OR10H2: variants seen among roughly 807,000 people sequenced by gnomAD.
The protein encoded by OR10H2 is olfactory receptor family 10 subfamily H member 2.
Under a neutral mutation model 0.8 loss-of-function variants are expected in OR10H2, and 1 was observed. That is an observed-to-expected ratio of 1.23 (90% CI 0.44 to 5.84). OR10H2 has a LOEUF of 5.84. Among genes scored for constraint, OR10H2 ranks in the 30% most tolerant of loss-of-function variants. The pLI, the probability that OR10H2 is intolerant of heterozygous loss-of-function variation, is 0.15. For missense variants in OR10H2, 355 were observed against 405.9 expected, an observed-to-expected ratio of 0.87 and a Z score of 1.08; for synonymous variants, 204 against 174.3, an observed-to-expected ratio of 1.17 and a Z score of -1.34.
In OR10H2 at chr19:15,728,423, G is replaced by T; in HGVS notation, c.380G>T (p.Cys127Phe). ...GGCTACGACCGCTACGTGGCCATCT[G>T]CCACCCCCTGCGCTACAACGTGCTC... ...VMGYDRYVAI[C>F]HPLRYNVLMS... is the part of the protein sequence containing the mutation. Residue 127 changes from cysteine to phenylalanine, a missense_variant, in exon 1 of 1, where the codon TGC (cysteine) becomes TTC (phenylalanine). By Grantham distance (205) the Cys-to-Phe change is radical. This residue lies in a region of OR10H2 where 133 missense variants were observed against 194.7 expected (regional missense o/e 0.68). Transcript: ENST00000305899. 1 of 1,613,706 alleles carries T rather than the reference G, an allele frequency of 6.2e-7. No homozygotes were observed. Among genetic ancestry groups the T allele is most frequent in the Non-Finnish European group, 8.5e-7 (1 of 1,179,734 alleles).
Position 15,728,685 on chromosome 19 carries a change from C to T in OR10H2, c.642C>T (p.Leu214=), listed in dbSNP as rs2008571234. The T allele has an allele frequency of 6.2e-7, 1 of 1,614,210 alleles. No homozygotes were observed. The highest frequency in any genetic ancestry group is 1.7e-5 in the Admixed American group (1 of 60,026). The change falls in exon 1 of 1, where the codon CTC becomes CTT. Residue 214 remains leucine (L), a synonymous_variant. Coordinates refer to ENST00000305899, the MANE Select transcript of OR10H2 (RefSeq NM_013939.2). ...TGGCACTGCTGGGCTGTTTTCTCCT[C>T]ATCCTCCTCTCCTATGCCTTCATCG... The part of the protein sequence containing the change: ...CIMALLGCFL[L]ILLSYAFIVA...
Position 15,728,699 on chromosome 19 carries a change from A to C in OR10H2, c.656A>C (p.Tyr219Ser). 1 of 1,614,148 alleles carries C rather than the reference A, an allele frequency of 6.2e-7. No homozygotes were observed. The highest frequency in any genetic ancestry group is 8.5e-7 in the Non-Finnish European group (1 of 1,180,036). The change falls in exon 1 of 1, where the codon TAT becomes TCT. Residue 219 changes from tyrosine (Y) to serine (S), a missense_variant. By Grantham distance (144) the Tyr-to-Ser change is moderately radical. Coordinates refer to ENST00000305899, the MANE Select transcript of OR10H2 (RefSeq NM_013939.2). ...LGCFLLILLS[Y>S]AFIVADILKI... ...TGTTTTCTCCTCATCCTCCTCTCCT[A>C]TGCCTTCATCGTGGCCGACATCTTG... is the stretch of plus-strand genomic sequence containing the variant.
Position 15,728,392 on chromosome 19 carries a change from G to A in OR10H2, c.349G>A (p.Val117Ile), listed in dbSNP as rs774427304. 5 of 1,613,972 alleles carry A rather than the reference G, an allele frequency of 3.1e-6. No individual in the cohort carries two copies. In the East Asian group the frequency reaches 6.7e-5, roughly 22 times the overall value. The change falls in exon 1 of 1, where the codon GTC becomes ATC. Residue 117 changes from valine (V) to isoleucine (I), a missense_variant. Transcript: ENST00000305899. ...CTTCACCCACTCCTTCCTGCTCACC[G>A]TCATGGGCTACGACCGCTACGTGGC... Reference protein sequence around the residue: ...FGFTHSFLLTVMGYDRYVAIC... With the variant: ...FGFTHSFLLTIMGYDRYVAIC...
In OR10H2 at chr19:15,728,124, C is replaced by A; in HGVS notation, c.81C>A (p.Leu27=). 2.5e-6 allele frequency: 4 copies of A among 1,614,202 alleles called. No individual in the cohort carries two copies. The highest frequency in any genetic ancestry group is 3.4e-6 in the Non-Finnish European group (4 of 1,180,022). ...FSAFPHLQLM[L]FLLFLLMYLF... ...CCTTCCCCCACCTCCAACTGATGCT[C>A]TTCCTGCTGTTCCTGCTGATGTACC... is the stretch of plus-strand genomic sequence containing the variant. The change falls in exon 1 of 1, where the codon CTC becomes CTA. Residue 27 remains leucine (L), a synonymous_variant. Transcript: ENST00000305899.
At position 15,728,776 on chromosome 19, in the gene OR10H2, C is replaced by A; in HGVS notation, c.733C>A (p.His245Asn). 1.2e-6 allele frequency: 2 copies of A among 1,614,156 alleles called. No homozygotes were observed. Among genetic ancestry groups the A allele is most frequent in the Non-Finnish European group, 8.5e-7 (1 of 1,180,028 alleles). Residue 245 changes from histidine (H) to asparagine (N), a missense_variant, in exon 1 of 1, where the codon CAC becomes AAC. Transcript: ENST00000305899. ...RNKAFSTCASHLIVVIVHYGF... is the reference protein window; with the variant it reads ...RNKAFSTCASNLIVVIVHYGF... ...CAAGGCCTTCTCCACCTGTGCCTCT[C>A]ACCTTATTGTGGTCATTGTGCACTA...
At position 15,728,555 on chromosome 19, in the gene OR10H2, C is replaced by T. The variant is rs1806931; in HGVS notation, c.512C>T (p.Ser171Phe). The change falls in exon 1 of 1, where the codon TCC becomes TTC. Residue 171 changes from serine to phenylalanine, a missense_variant. Coordinates refer to ENST00000305899, the MANE Select transcript of OR10H2 (RefSeq NM_013939.2). ...SAIFQLTFCG[S>F]HEIQHFLCHV... ...ATTTTCCAACTGACTTTCTGTGGAT[C>T]CCATGAGATCCAGCATTTTTTATGT... The T allele has an allele frequency of 0.081, 131,343 of 1,613,778 alleles. 14,021 individuals are homozygous for T. The highest frequency in any genetic ancestry group is 0.58 in the East Asian group (26,106 of 44,854).
At position 15,728,187 on chromosome 19, in the gene OR10H2, C is replaced by G. The variant is rs147784319; in HGVS notation, c.144C>G (p.Thr48=). 6.2e-7 allele frequency: 1 copy of G among 1,614,196 alleles called. No individual in the cohort carries two copies. Among genetic ancestry groups the G allele is most frequent in the East Asian group, 2.2e-5 (1 of 44,882 alleles). ...TGGGCAACCTGCTCATCATGGCCAC[C>G]GTCTGGAGCGAGCGCAGCCTCCACA... The part of the protein sequence containing the change: ...TLLGNLLIMA[T]VWSERSLHTP... Residue 48 remains threonine, a synonymous_variant, in exon 1 of 1, where the codon ACC becomes ACG. Coordinates refer to ENST00000305899, the MANE Select transcript of OR10H2 (RefSeq NM_013939.2).
At position 15,729,040 on chromosome 19, in the gene OR10H2, A is replaced by G; in HGVS notation, c.*49A>G. The G allele has an allele frequency of 1.3e-6, 2 of 1,483,620 alleles. No homozygotes were observed. Among genetic ancestry groups the G allele is most frequent in the Non-Finnish European group, 1.8e-6 (2 of 1,082,486 alleles). The allele number at this position is 1,483,620 out of a possible 1,614,324, so 91.9% of individuals were successfully genotyped here. On this transcript the variant is annotated 3_prime_UTR_variant, in exon 1 of 1. Coordinates refer to ENST00000305899, the MANE Select transcript of OR10H2 (RefSeq NM_013939.2). Reference sequence around the variant, plus strand: ...AGAATATGATAGGAGGATGACCATCACCTTGTCTGCACAGTGTGGCTAGTA... The same window carrying G: ...AGAATATGATAGGAGGATGACCATCGCCTTGTCTGCACAGTGTGGCTAGTA...
In OR10H2 at chr19:15,728,832, C is replaced by T. The variant is rs750507776; in HGVS notation, c.789C>T (p.Pro263=). The T allele has an allele frequency of 1.2e-6, 2 of 1,614,182 alleles. No homozygotes were observed. The highest frequency in any genetic ancestry group is 2.2e-5 in the South Asian group (2 of 91,088). The change falls in exon 1 of 1, where the codon CCC becomes CCT. Residue 263 remains proline, a synonymous_variant. Coordinates refer to ENST00000305899, the MANE Select transcript of OR10H2 (RefSeq NM_013939.2). ...TTGCCTCTGTCATCTACCTCAAGCC[C>T]AAAGGTCCCCACTCTCAGGAGGGTG... ...YGFASVIYLK[P]KGPHSQEGDT... is the part of the protein sequence containing the mutation.
In OR10H2 at chr19:15,729,027, G is replaced by A. The variant is rs1453129397; in HGVS notation, c.*36G>A. 2 of 1,540,708 alleles carry A rather than the reference G, an allele frequency of 1.3e-6. No individual in the cohort carries two copies. The highest frequency in any genetic ancestry group is 1.8e-5 in the Admixed American group (1 of 56,568). ...TGGAAGTGCTGATAGAATATGATAG[G>A]AGGATGACCATCACCTTGTCTGCAC... On this transcript the variant is annotated 3_prime_UTR_variant, in exon 1 of 1. Coordinates refer to ENST00000305899, the MANE Select transcript of OR10H2 (RefSeq NM_013939.2).
Position 15,728,058 on chromosome 19 carries a change from C to G in OR10H2, c.15C>G (p.Asn5Lys). The G allele has an allele frequency of 6.2e-7, 1 of 1,612,964 alleles. No individual in the cohort carries two copies. Among genetic ancestry groups the G allele is most frequent in the Non-Finnish European group, 8.5e-7 (1 of 1,179,210 alleles). ...GGGTGGCCGTCATGCTGGGGCTAAA[C>G]CACACCTCCATGTCTGAATTCATCC... is the stretch of plus-strand genomic sequence containing the variant. MLGLNHTSMSEFILV... is the reference protein window; with the variant it reads MLGLKHTSMSEFILV... The change falls in exon 1 of 1, where the codon AAC becomes AAG. Residue 5 changes from asparagine to lysine, a missense_variant. Asn to Lys is a moderately conservative substitution (Grantham distance 94, BLOSUM62 0). This residue lies in a region of OR10H2 where 44 missense variants were observed against 38.4 expected (regional missense o/e 1.15). Transcript: ENST00000305899.
Position 15,728,940 on chromosome 19 carries a change from G to T in OR10H2, c.897G>T (p.Lys299Asn). ...IIFSLRNKEL[K>N]VAMKRTFLST... ...TCAGCCTCAGGAACAAAGAACTGAA[G>T]GTTGCCATGAAGAGGACCTTCCTCA... Residue 299 changes from lysine to asparagine, a missense_variant, in exon 1 of 1, where the codon AAG (lysine) becomes AAT (asparagine). This residue lies in a region of OR10H2 where 178 missense variants were observed against 172.8 expected (regional missense o/e 1.03). Coordinates refer to ENST00000305899, the MANE Select transcript of OR10H2 (RefSeq NM_013939.2). 6.2e-7 allele frequency: 1 copy of T among 1,614,192 alleles called. No individual in the cohort carries two copies. The highest frequency in any genetic ancestry group is 8.5e-7 in the Non-Finnish European group (1 of 1,180,012).
Position 15,728,935 on chromosome 19 carries a change from C to T in OR10H2, c.892C>T (p.Leu298=). 2 of 1,614,184 alleles carry T rather than the reference C, an allele frequency of 1.2e-6. No homozygotes were observed. The highest frequency in any genetic ancestry group is 1.6e-4 in the Middle Eastern group (1 of 6,062). ...PIIFSLRNKE[L]KVAMKRTFLS... ...CATCTTCAGCCTCAGGAACAAAGAACTGAAGGTTGCCATGAAGAGGACCTT... is the reference window on the plus strand; with the variant it reads ...CATCTTCAGCCTCAGGAACAAAGAATTGAAGGTTGCCATGAAGAGGACCTT... Residue 298 remains leucine (L), a synonymous_variant, in exon 1 of 1, where the codon CTG becomes TTG. Coordinates refer to ENST00000305899, the MANE Select transcript of OR10H2 (RefSeq NM_013939.2).
chr19:15,728,796 G>A lies in OR10H2; in HGVS notation c.753G>A (p.Val251=). ...TCASHLIVVI[V]HYGFASVIYL... is the part of the protein sequence containing the mutation. Reference sequence around the variant, plus strand: ...CCTCTCACCTTATTGTGGTCATTGTGCACTATGGCTTTGCCTCTGTCATCT... The same window carrying A: ...CCTCTCACCTTATTGTGGTCATTGTACACTATGGCTTTGCCTCTGTCATCT... The change falls in exon 1 of 1, where the codon GTG becomes GTA. Residue 251 remains valine (V), a synonymous_variant. Coordinates refer to ENST00000305899, the MANE Select transcript of OR10H2 (RefSeq NM_013939.2). 6.2e-7 allele frequency: 1 copy of A among 1,614,102 alleles called. No individual in the cohort carries two copies. The highest frequency in any genetic ancestry group is 8.5e-7 in the Non-Finnish European group (1 of 1,180,036).
chr19:15,728,241 C>G lies in OR10H2; in HGVS notation c.198C>G (p.Leu66=), dbSNP rs766688402. ...HTPMYLFLCV[L]SVSEILYTVA... ...CCATGTACCTCTTCCTGTGCGTCCTCTCAGTCTCCGAGATCCTCTACACCG... is the reference window on the plus strand; with the variant it reads ...CCATGTACCTCTTCCTGTGCGTCCTGTCAGTCTCCGAGATCCTCTACACCG... The change falls in exon 1 of 1, where the codon CTC becomes CTG. Residue 66 remains leucine (L), a synonymous_variant. Transcript: ENST00000305899. The G allele has an allele frequency of 4.4e-5, 71 of 1,614,220 alleles. No individual in the cohort carries two copies. The highest frequency in any genetic ancestry group is 5.2e-5 in the Non-Finnish European group (61 of 1,180,044).
rs2008573930 is a variant in OR10H2, at chr19:15,728,844, C to A, written c.801C>A (p.His267Gln). ...TCTACCTCAAGCCCAAAGGTCCCCA[C>A]TCTCAGGAGGGTGACACCCTGATGG... The part of the protein sequence containing the change: ...SVIYLKPKGP[H>Q]SQEGDTLMAT... The change falls in exon 1 of 1, where the codon CAC becomes CAA. Residue 267 changes from histidine (H) to glutamine (Q), a missense_variant. His to Gln is a conservative substitution (Grantham distance 24). This residue lies in a region of OR10H2 where 178 missense variants were observed against 172.8 expected (regional missense o/e 1.03). Transcript: ENST00000305899. The A allele has an allele frequency of 6.2e-7, 1 of 1,614,132 alleles. No homozygotes were observed. Among genetic ancestry groups the A allele is most frequent in the African/African-American group, 1.3e-5 (1 of 74,934 alleles).
Position 15,728,586 on chromosome 19 carries a change from G to A in OR10H2, c.543G>A (p.Val181=). ...SHEIQHFLCH[V]PPLLKLACGN... is the part of the protein sequence containing the mutation. ...AGATCCAGCATTTTTTATGTCATGT[G>A]CCACCTCTGTTGAAGTTGGCCTGTG... Residue 181 remains valine, a synonymous_variant, in exon 1 of 1, where the codon GTG becomes GTA. Coordinates refer to ENST00000305899, the MANE Select transcript of OR10H2 (RefSeq NM_013939.2). The A allele has an allele frequency of 6.2e-7, 1 of 1,614,172 alleles. No individual in the cohort carries two copies. Among genetic ancestry groups the A allele is most frequent in the Non-Finnish European group, 8.5e-7 (1 of 1,180,018 alleles).
In OR10H2 at chr19:15,728,243, C is replaced by T; in HGVS notation, c.200C>T (p.Ser67Leu). The T allele has an allele frequency of 6.2e-7, 1 of 1,614,226 alleles. No individual in the cohort carries two copies. Residue 67 changes from serine (S) to leucine (L), a missense_variant, in exon 1 of 1, where the codon TCA becomes TTA. Physicochemically the swap from Ser to Leu is moderately radical, Grantham distance 145. Around this residue, in one of 3 missense-constraint regions of OR10H2, gnomAD observed 133 missense variants for 194.7 expected, o/e 0.68. Coordinates refer to ENST00000305899, the MANE Select transcript of OR10H2 (RefSeq NM_013939.2). Reference sequence around the variant, plus strand: ...ATGTACCTCTTCCTGTGCGTCCTCTCAGTCTCCGAGATCCTCTACACCGTG... The same window carrying T: ...ATGTACCTCTTCCTGTGCGTCCTCTTAGTCTCCGAGATCCTCTACACCGTG... ...TPMYLFLCVLSVSEILYTVAI... is the reference protein window; with the variant it reads ...TPMYLFLCVLLVSEILYTVAI...
Position 15,728,628 on chromosome 19 carries a change from TGTGGCCCTGGGC to T in OR10H2, c.590_601del (p.Ala197_Val200del). The T allele has an allele frequency of 6.2e-7, 1 of 1,614,242 alleles. No individual in the cohort carries two copies. ...TGGCCTGTGGAAATAATGTACCAGC[TGTGGCCCTGGGC>T]GTGGGCTTGGTATGTATCATGGCAC... On this transcript the variant is annotated inframe_deletion, in exon 1 of 1. Transcript: ENST00000305899.
Sources: gnomAD v4.1 joint callset for allele counts on GRCh38, gnomAD v4.1.1 for gene constraint, gnomAD v4.1.1 regional missense constraint, MANE v1.5 for transcripts, NCBI Gene and HGNC (gene_info 2026-07-23, HGNC 2026-07-21) for gene names.